GALNT18: variants seen among roughly 807,000 people sequenced by gnomAD.
The protein encoded by GALNT18 is polypeptide N-acetylgalactosaminyltransferase 18.
GALNT18 carries 44 observed loss-of-function variants against 69.5 expected under a neutral mutation model. The observed-to-expected ratio is 0.63, with a 90% CI of 0.50 to 0.81. GALNT18 has a LOEUF of 0.81. GALNT18 is among the 40% of genes least tolerant of loss of function. GALNT18 has a pLI of 0.00. For synonymous variants in GALNT18, 364 were observed against 318.2 expected, an observed-to-expected ratio of 1.14 and a Z score of -1.53; for missense variants, 715 against 810.0, an observed-to-expected ratio of 0.88 and a Z score of 1.42.
In GALNT18 at chr11:11,592,392, G is replaced by A. The variant is rs1222496640; in HGVS notation, c.235+28967C>T. 6.6e-6 allele frequency among the ~76,000 whole-genome samples: 1 copy of A among 152,146 alleles called. No homozygotes were observed. The highest frequency in any genetic ancestry group is 1.5e-5 in the Non-Finnish European group (1 of 68,036). On this transcript the variant is annotated intron_variant, in intron 1 of 10. Transcript: ENST00000227756. The surrounding 1 kb of genome is among the most constrained non-coding windows in gnomAD (Gnocchi z 5.9). Reference sequence around the variant, plus strand: ...GCAAGGAAGTGGACTGAGTTTTCTAGATAATGTTTGAGCAATTCATCCTTC... The same window carrying A: ...GCAAGGAAGTGGACTGAGTTTTCTAAATAATGTTTGAGCAATTCATCCTTC...
intron 3 of GALNT18, among the ~76,000 whole-genome samples, chr11:11,395,903 G>A (rs1854315085): frequency 6.6e-6 from 1 of 152,164 alleles, no homozygotes; most frequent in Non-Finnish European, 1.5e-5. Flanking sequence ...CGATGCAAAT[G>A]TCAACTAATT....
Position 11,315,848 on chromosome 11 carries a change from C to A in GALNT18, c.1512+11238G>T, listed in dbSNP as rs945743155. 3.3e-5 allele frequency among the ~76,000 whole-genome samples: 5 copies of A among 152,072 alleles called. No individual in the cohort carries two copies. Among genetic ancestry groups the A allele is most frequent in the Non-Finnish European group, 5.9e-5 (4 of 68,010 alleles). Reference sequence around the variant, plus strand: ...TCTTTCTACCACATTGCACATCCACCACTACCCTGCACCCCCTCAAACAAC... The same window carrying A: ...TCTTTCTACCACATTGCACATCCACAACTACCCTGCACCCCCTCAAACAAC... On this transcript the variant is annotated intron_variant, in intron 9 of 10. Coordinates refer to ENST00000227756, the MANE Select transcript of GALNT18 (RefSeq NM_198516.3). This position sits in a 1 kb window ranked among gnomAD's most constrained non-coding sequence, Gnocchi z 5.6.
chr11:11,581,699 C>T (rs1859091699), intron 1 of GALNT18, among the ~76,000 whole-genome samples: 1 of 152,134 alleles, frequency 6.6e-6, no homozygotes, highest in African/African-American at 2.4e-5. Flanking sequence ...CCTGGCTAAG[C>T]TCACAGACGA....
At chr11:11,367,236 A>C (rs1428349574) in intron 6 of GALNT18, among the ~76,000 whole-genome samples, 1 of 152,150 alleles carries the variant, frequency 6.6e-6, no homozygotes, top group East Asian at 1.9e-4. Context: ...GAATAACAAC[A>C]ATCATCCAGT....
chr11:11,572,654 G>A (rs1034951657), intron 1 of GALNT18, among the ~76,000 whole-genome samples: 2 of 152,140 alleles, frequency 1.3e-5, no homozygotes, highest in Admixed American at 1.3e-4. Context: ...ACAGAGCAAT[G>A]GTGCAGGAGG....
chr11:11,381,621 C>A lies in GALNT18; in HGVS notation c.596-2357G>T, dbSNP rs1232456179. Among the ~76,000 whole-genome samples the A allele has an allele frequency of 2.0e-5, 3 of 152,236 alleles. No homozygotes were observed. In the East Asian group the frequency reaches 5.8e-4, roughly 29 times the overall value. ...AGGACACAGCAAGAGGGACCCTGCG[C>A]AAGTTCCAGGCCTTTTGCATTTGCT... On this transcript the variant is annotated intron_variant, in intron 3 of 10. Coordinates refer to ENST00000227756, the MANE Select transcript of GALNT18 (RefSeq NM_198516.3).
intron 1 of GALNT18, among the ~76,000 whole-genome samples, chr11:11,531,665 C>A (rs1349280186): frequency 6.6e-6 from 1 of 152,190 alleles, no homozygotes; most frequent in Non-Finnish European, 1.5e-5. Context: ...TTGCACCAGG[C>A]AGCATCGCTT....
At chr11:11,550,797 A>C (rs1272125425) in intron 1 of GALNT18, among the ~76,000 whole-genome samples, 1 of 152,174 alleles carries the variant, frequency 6.6e-6, no homozygotes, top group Admixed American at 6.5e-5. Context: ...GCTAAGTGTT[A>C]ATTTTCTTTA....
At chr11:11,517,667 A>G (rs781181113) in intron 1 of GALNT18, among the ~76,000 whole-genome samples, 2 of 151,962 alleles carry the variant, frequency 1.3e-5, no homozygotes, top group Admixed American at 6.6e-5. Flanking sequence ...TCCCCTTGCG[A>G]GACTAGCTAC....
At chr11:11,290,055 C>T (rs1421718122) in intron 10 of GALNT18, among the ~76,000 whole-genome samples, 1 of 152,000 alleles carries the variant, frequency 6.6e-6, no homozygotes, top group Non-Finnish European at 1.5e-5. Flanking sequence ...GGGGCTACTC[C>T]AAGACAGCCC....
At chr11:11,403,977 A>G (rs775582065) in intron 3 of GALNT18, among the ~76,000 whole-genome samples, 1 of 152,216 alleles carries the variant, frequency 6.6e-6, no homozygotes, top group Non-Finnish European at 1.5e-5. Context: ...CCTGTCCTCA[A>G]TTCCTGGCCC....
Position 11,586,102 on chromosome 11 carries a change from T to A in GALNT18, c.235+35257A>T, listed in dbSNP as rs1300827377. On this transcript the variant is annotated intron_variant, in intron 1 of 10. Coordinates refer to ENST00000227756, the MANE Select transcript of GALNT18 (RefSeq NM_198516.3). This position sits in a 1 kb window ranked among gnomAD's most constrained non-coding sequence, Gnocchi z 4.1. ...AATGCTGAATCTGCTGGCCCCTTGA[T>A]CTTGGACTTTCCGGCCTCCAGAACT... Among the ~76,000 whole-genome samples, 4 of 152,160 alleles carry A rather than the reference T, an allele frequency of 2.6e-5. No individual in the cohort carries two copies.
intron 5 of GALNT18, among the ~76,000 whole-genome samples, chr11:11,375,189 G>A (rs765701534): frequency 2.0e-5 from 3 of 152,186 alleles, no homozygotes; most frequent in Non-Finnish European, 2.9e-5. Context: ...AAGGGAGCTC[G>A]GATGGGCAAG....
intron 9 of GALNT18, among the ~76,000 whole-genome samples, chr11:11,306,730 G>A (rs1311617249): frequency 2.0e-5 from 3 of 152,202 alleles, no homozygotes; most frequent in African/African-American, 7.2e-5. Flanking sequence ...ACATGATGAG[G>A]CATTGTGACG....
intron 2 of GALNT18, among the ~76,000 whole-genome samples, chr11:11,433,226 C>T (rs1855315679): frequency 6.6e-6 from 1 of 152,252 alleles, no homozygotes; most frequent in South Asian, 2.1e-4. Flanking sequence ...ACAAAGACGC[C>T]TCCTCCCAGA....
chr11:11,276,527 T>A (rs1163020466), intron 10 of GALNT18, among the ~76,000 whole-genome samples: 1 of 152,226 alleles, frequency 6.6e-6, no homozygotes, highest in Non-Finnish European at 1.5e-5. Flanking sequence ...CCTGTATTTC[T>A]TTCTCTTGCC....
intron 1 of GALNT18, among the ~76,000 whole-genome samples, chr11:11,517,522 T>C (rs912278394): frequency 6.6e-6 from 1 of 152,250 alleles, no homozygotes; most frequent in Non-Finnish European, 1.5e-5. Context: ...TTGAAATGCA[T>C]ATTTGTGGTG....
chr11:11,511,495 C>A lies in GALNT18; in HGVS notation c.236-62559G>T, dbSNP rs542980072. On this transcript the variant is annotated intron_variant, in intron 1 of 10. Coordinates refer to ENST00000227756, the MANE Select transcript of GALNT18 (RefSeq NM_198516.3). This position sits in a 1 kb window ranked among gnomAD's most constrained non-coding sequence, Gnocchi z 4.9. ...CAATCCTGAGGAGACCTGGCTAATG[C>A]AGTGGTTCTTTACTTCTGAGCCACT... 6.8e-4 allele frequency among the ~76,000 whole-genome samples: 104 copies of A among 152,218 alleles called. No homozygotes were observed. Among genetic ancestry groups the A allele is most frequent in the Non-Finnish European group, 1.3e-3 (87 of 68,040 alleles).
In GALNT18 at chr11:11,459,384, G is replaced by A. The variant is rs1344693380; in HGVS notation, c.236-10448C>T. 1.3e-5 allele frequency among the ~76,000 whole-genome samples: 2 copies of A among 152,188 alleles called. No individual in the cohort carries two copies. Among genetic ancestry groups the A allele is most frequent in the East Asian group, 3.9e-4 (2 of 5,184 alleles). ...ACACCATTAAAATCCTCTGTGCGAG[G>A]ACTTTATTCAGCATGGCAAAGGAAA... On this transcript the variant is annotated intron_variant, in intron 1 of 10. Coordinates refer to ENST00000227756, the MANE Select transcript of GALNT18 (RefSeq NM_198516.3). The surrounding 1 kb of genome is among the most constrained non-coding windows in gnomAD (Gnocchi z 5.0).
Sources: gnomAD v4.1 joint callset for allele counts (sites outside exome capture counted in the v4.1 genomes callset) on GRCh38, gnomAD v4.1.1 for gene constraint, Gnocchi (gnomAD v3.1) non-coding constraint, MANE v1.5 for transcripts, NCBI Gene and HGNC (gene_info 2026-07-23, HGNC 2026-07-21) for gene names.